KIAA1217: variants seen among roughly 807,000 people sequenced by gnomAD.
KIAA1217 encodes sickle tail protein homolog.
KIAA1217 carries 88 observed loss-of-function variants against 163.9 expected under a neutral mutation model. The observed-to-expected ratio is 0.54, with a 90% CI of 0.45 to 0.64. The LOEUF (loss-of-function observed/expected upper bound fraction) is 0.64, where lower values mean the gene tolerates loss of function less well. Among genes scored for constraint, KIAA1217 ranks in the 30% least tolerant of loss-of-function variants. KIAA1217 has a pLI of 0.00. For missense variants in KIAA1217, 2,372 were observed against 2,475.0 expected, an observed-to-expected ratio of 0.96 and a Z score of 0.88; for synonymous variants, 903 against 923.1, an observed-to-expected ratio of 0.98 and a Z score of 0.39.
chr10:23,868,277 A>C (rs1043276910), intron 1 of KIAA1217, among the ~76,000 whole-genome samples: 84 of 152,160 alleles, frequency 5.5e-4, no homozygotes, highest in African/African-American at 2.0e-3. Flanking sequence ...GCCCAGATGT[A>C]CGGTTACTCA....
chr10:24,334,145 G>C (rs1327837312), intron 2 of KIAA1217, among the ~76,000 whole-genome samples: 1 of 152,166 alleles, frequency 6.6e-6, no homozygotes, highest in Non-Finnish European at 1.5e-5. Context: ...AAATATTTGA[G>C]TTTGGACTCA....
chr10:24,378,271 A>G (rs1043625218), intron 2 of KIAA1217, among the ~76,000 whole-genome samples: 9 of 152,276 alleles, frequency 5.9e-5, no homozygotes, highest in Middle Eastern at 3.4e-3. Flanking sequence ...CAGGAAAGAC[A>G]TTTCCAGGGG....
intron 2 of KIAA1217, among the ~76,000 whole-genome samples, chr10:24,182,756 C>CTA (rs138375043): frequency 0.024 from 3,677 of 152,208 alleles, 61 homozygotes; most frequent in South Asian, 0.058. Context: ...GAAAGCAGAA[C>CTA]TATAACATTT....
chr10:23,762,687 A>C (rs994801317), intron 1 of KIAA1217, among the ~76,000 whole-genome samples: 2 of 152,234 alleles, frequency 1.3e-5, no homozygotes, highest in African/African-American at 4.8e-5. Flanking sequence ...GGCTGGAAGC[A>C]TTCCCCTTGA....
intron 2 of KIAA1217, among the ~76,000 whole-genome samples, chr10:24,056,679 T>C (rs2060543420): frequency 6.6e-6 from 1 of 151,846 alleles, no homozygotes; most frequent in East Asian, 1.9e-4. Context: ...AAAACATGAG[T>C]TCCCAATAAA....
intron 2 of KIAA1217, among the ~76,000 whole-genome samples, chr10:24,296,624 A>T (rs2040645332): frequency 6.6e-6 from 1 of 152,200 alleles, no homozygotes. Flanking sequence ...ACGTAACCCA[A>T]CATGTACCAT....
At position 24,158,090 on chromosome 10, in the gene KIAA1217, G is replaced by A. The variant is rs186845617; in HGVS notation, c.-170-61536G>A. The A allele has an allele frequency of 1.0e-3, 787 of 755,270 alleles. 4 individuals carry two copies. The highest frequency in any genetic ancestry group is 7.3e-3 in the African/African-American group (427 of 58,590). 46.8% of individuals were successfully genotyped at this position (755,270 alleles called of 1,614,324 possible). Reference sequence around the variant, plus strand: ...ACTAGCTCATAAAGATAAAAGTGGCGCTCCACAAGTTAGAAGTATATATGA... The same window carrying A: ...ACTAGCTCATAAAGATAAAAGTGGCACTCCACAAGTTAGAAGTATATATGA... On this transcript the variant is annotated intron_variant, in intron 2 of 18. Coordinates refer to the KIAA1217 transcript ENST00000376462.
At position 24,343,129 on chromosome 10, in the gene KIAA1217, G is replaced by T. The variant is rs190105329; in HGVS notation, c.355-37740G>T. ...TACGAAGGCAAAGCTGCACTGGATG[G>T]TCTGTTCATATATCTGGGTATTTTT... On this transcript the variant is annotated intron_variant, in intron 2 of 20. Coordinates refer to ENST00000376454, the MANE Select transcript of KIAA1217 (RefSeq NM_019590.5). Among the ~76,000 whole-genome samples the T allele has an allele frequency of 2.7e-3, 408 of 152,012 alleles. 3 individuals carry two copies. The highest frequency in any genetic ancestry group is 3.9e-3 in the Non-Finnish European group (266 of 68,014).
At chr10:24,223,750 G>A (rs1176303597) in intron 2 of KIAA1217, among the ~76,000 whole-genome samples, 1 of 121,946 alleles carries the variant, frequency 8.2e-6, no homozygotes, top group Non-Finnish European at 1.6e-5. Context: ...GTCTTGCTCT[G>A]TTGCCCAGGC....
At chr10:24,331,866 C>T (rs1163418178) in intron 2 of KIAA1217, among the ~76,000 whole-genome samples, 3 of 152,188 alleles carry the variant, frequency 2.0e-5, no homozygotes, top group Admixed American at 1.3e-4. Context: ...ATGGCGCGAT[C>T]TCAGCTCACT....
intron 2 of KIAA1217, among the ~76,000 whole-genome samples, chr10:24,341,122 C>T (rs1292543372): frequency 6.6e-6 from 1 of 152,190 alleles, no homozygotes; most frequent in Non-Finnish European, 1.5e-5. Flanking sequence ...CTTCTCCTGT[C>T]AAAATAACCA....
At chr10:24,213,653 C>T (rs2068444304) in intron 1 of KIAA1217, among the ~76,000 whole-genome samples, 1 of 152,176 alleles carries the variant, frequency 6.6e-6, no homozygotes, top group African/African-American at 2.4e-5. Flanking sequence ...TAACTCCTTT[C>T]AGTGTGGGAG....
chr10:24,260,662 T>C (rs1460018146), intron 2 of KIAA1217, among the ~76,000 whole-genome samples: 3 of 150,848 alleles, frequency 2.0e-5, no homozygotes, highest in African/African-American at 7.3e-5. Context: ...GGAGGATCAC[T>C]TGAGCCCAGG....
intron 2 of KIAA1217, among the ~76,000 whole-genome samples, chr10:24,269,115 C>T (rs1174326568): frequency 7.2e-6 from 1 of 138,572 alleles, no homozygotes; most frequent in Non-Finnish European, 1.5e-5. Context: ...TGCTAGATGA[C>T]GAGTTAGTGG....
intron 20 of KIAA1217, chr10:24,545,394 C>A: frequency 7.5e-7 from 1 of 1,328,328 alleles, no homozygotes; most frequent in Admixed American, 3.2e-5. Flanking sequence ...AGTGTTTCAT[C>A]TGAACACCTC....
chr10:24,061,196 T>C (rs2060709773), intron 2 of KIAA1217, among the ~76,000 whole-genome samples: 2 of 152,224 alleles, frequency 1.3e-5, no homozygotes, highest in Admixed American at 1.3e-4. Context: ...TACCATGAGG[T>C]TTACATAAAA....
At chr10:23,772,698 A>G (rs1834849981) in intron 1 of KIAA1217, among the ~76,000 whole-genome samples, 1 of 152,318 alleles carries the variant, frequency 6.6e-6, no homozygotes, top group South Asian at 2.1e-4. Flanking sequence ...TATTGCTGAG[A>G]CAATTAAAAG....
chr10:23,876,468 C>A (rs1430033092), intron 1 of KIAA1217, among the ~76,000 whole-genome samples: 1 of 151,338 alleles, frequency 6.6e-6, no homozygotes, highest in Non-Finnish European at 1.5e-5. Context: ...GCACATGTAC[C>A]CACTGAATTG....
At position 23,858,636 on chromosome 10, in the gene KIAA1217, T is replaced by C. The variant is rs1839814991; in HGVS notation, c.-320-148589T>C. 2.6e-5 allele frequency among the ~76,000 whole-genome samples: 4 copies of C among 152,132 alleles called. No homozygotes were observed. In the South Asian group the frequency reaches 8.3e-4, roughly 32 times the overall value. On this transcript the variant is annotated intron_variant, in intron 1 of 18. Coordinates refer to the KIAA1217 transcript ENST00000376462. ...GATTCTGTTAGTATAATCATAAGTC[T>C]AATTTCAGTCATAATCGGGCTCCCC...
Sources: gnomAD v4.1 joint callset for allele counts (sites outside exome capture counted in the v4.1 genomes callset) on GRCh38, gnomAD v4.1.1 for gene constraint, MANE v1.5 for transcripts, NCBI Gene and HGNC (gene_info 2026-07-23, HGNC 2026-07-21) for gene names.